The following WDR72 variants were observed in gnomAD, a reference collection of about 807,000 sequenced individuals.
WDR72 encodes the protein WD repeat domain 72, also known as WD repeat-containing protein 72.
In WDR72, 120 loss-of-function variants were observed where a neutral mutation model predicts 124.2. That is an observed-to-expected ratio of 0.97 (90% CI 0.83 to 1.12). WDR72 has a LOEUF of 1.12. Among genes scored for constraint, WDR72 ranks in the 50% most tolerant of loss-of-function variants. The pLI is 0.00. For missense variants in WDR72, 1,387 were observed against 1,278.8 expected (o/e 1.08, Z -1.29); for synonymous variants, 452 against 441.7 (o/e 1.02, Z -0.29).
rs1891300501 is a variant in WDR72, at chr15:53,513,797, C to G, written c.*3902G>C. 1 of 152,078 alleles carries G rather than the reference C, an allele frequency of 6.6e-6. No individual in the cohort carries two copies. The highest frequency in any genetic ancestry group is 1.5e-5 in the Non-Finnish European group (1 of 68,026). The allele number at this position is 152,078 out of a possible 1,614,324, so 9.4% of individuals were successfully genotyped here. ...TAAAAATTAAATTACTGCAAAAACTCCACAACATCAACATTTTACATAAAG... is the reference window on the plus strand; with the variant it reads ...TAAAAATTAAATTACTGCAAAAACTGCACAACATCAACATTTTACATAAAG... On this transcript the variant is annotated 3_prime_UTR_variant, in exon 20 of 20. Transcript: ENST00000360509.
chr15:53,689,446 C>A (rs1466525439), intron 13 of WDR72, among the ~76,000 whole-genome samples: 3 of 149,148 alleles, frequency 2.0e-5, no homozygotes, highest in African/African-American at 7.7e-5. Flanking sequence ...ATTTATGCAG[C>A]CAAAAAACAC....
At chr15:53,587,352 A>C (rs1040423353) in intron 18 of WDR72, among the ~76,000 whole-genome samples, 2 of 151,990 alleles carry the variant, frequency 1.3e-5, no homozygotes, top group African/African-American at 2.4e-5. Flanking sequence ...AGTGTCAAGA[A>C]AATCCATTTT....
intron 12 of WDR72, among the ~76,000 whole-genome samples, chr15:53,700,273 C>A (rs955656447): frequency 1.2e-4 from 18 of 152,074 alleles, no homozygotes; most frequent in African/African-American, 3.9e-4. Context: ...TAAAATAAAC[C>A]CCAGAACTAA....
intron 13 of WDR72, among the ~76,000 whole-genome samples, chr15:53,675,580 T>A (rs1422338492): frequency 6.6e-6 from 1 of 152,212 alleles, no homozygotes; most frequent in Non-Finnish European, 1.5e-5. Flanking sequence ...TTAAATTTAT[T>A]ACACCAGGCA....
intron 18 of WDR72, among the ~76,000 whole-genome samples, chr15:53,574,529 T>C (rs1894681131): frequency 2.0e-5 from 3 of 152,312 alleles, no homozygotes; most frequent in South Asian, 2.1e-4. Flanking sequence ...ATGTAAAATA[T>C]GTATCTCAGA....
chr15:53,643,904 T>G (rs2014947626), intron 14 of WDR72, among the ~76,000 whole-genome samples: 1 of 152,074 alleles, frequency 6.6e-6, no homozygotes, highest in Non-Finnish European at 1.5e-5. Flanking sequence ...GCAAACAAAA[T>G]GTACAAAAGA....
chr15:53,554,488 A>G (rs1431161257), intron 18 of WDR72, among the ~76,000 whole-genome samples: 1 of 152,184 alleles, frequency 6.6e-6, no homozygotes, highest in Non-Finnish European at 1.5e-5. Flanking sequence ...ATAAATGCAT[A>G]TAGAAGACTT....
chr15:53,684,438 A>C (rs2016524935), intron 13 of WDR72: 1 of 155,096 alleles, frequency 6.4e-6, no homozygotes, highest in South Asian at 2.0e-4. Flanking sequence ...GAGTCAAAGA[A>C]AGGGGTGACA....
chr15:53,615,449 T>G lies in WDR72; in HGVS notation c.2757A>C (p.Leu919Phe), dbSNP rs1373493029. 1 of 1,611,030 alleles carries G rather than the reference T, an allele frequency of 6.2e-7. No homozygotes were observed. Among genetic ancestry groups the G allele is most frequent in the Non-Finnish European group, 8.5e-7 (1 of 1,178,634 alleles). Reference sequence around the variant, plus strand: ...ACCTGCCAACTCTACATGCCAATTCTAAAGGCATGTTAACTAATTTATTAA... The same window carrying G: ...ACCTGCCAACTCTACATGCCAATTCGAAAGGCATGTTAACTAATTTATTAA... ...FLVNKLVNMP[L>F]ELACRVGSSF... The change falls in exon 15 of 20, where the codon TTA becomes TTC. Residue 919 changes from leucine (L) to phenylalanine (F), a missense_variant. Physicochemically the swap from Leu to Phe is conservative, Grantham distance 22. Coordinates refer to ENST00000360509, the MANE Select transcript of WDR72 (RefSeq NM_182758.4).
chr15:53,562,468 G>A (rs1002332019), intron 18 of WDR72, among the ~76,000 whole-genome samples: 1 of 151,742 alleles, frequency 6.6e-6, no homozygotes, highest in African/African-American at 2.4e-5. Context: ...CCCTAAATTT[G>A]TAATTCCAAA....
chr15:53,640,177 G>A (rs958016019), intron 14 of WDR72, among the ~76,000 whole-genome samples: 2 of 152,188 alleles, frequency 1.3e-5, no homozygotes, highest in African/African-American at 4.8e-5. Flanking sequence ...TAACCTCTGT[G>A]TGACCAGAGG....
At chr15:53,716,484 A>C in intron 4 of WDR72, 123 bp downstream of exon 4, 1 of 764,210 alleles carries the variant, frequency 1.3e-6, no homozygotes, top group South Asian at 1.5e-5. Context: ...TTTGACCCTC[A>C]TGACAAAATA....
intron 12 of WDR72, among the ~76,000 whole-genome samples, chr15:53,701,245 T>A (rs144080677): frequency 6.6e-6 from 1 of 152,208 alleles, no homozygotes; most frequent in African/African-American, 2.4e-5. Flanking sequence ...TAAAAACCCA[T>A]TTAAGAAGAA....
chr15:53,722,964 ACAC>A, intron 2 of WDR72, 56 bp from the exon 3 acceptor site: 1 of 1,472,550 alleles, frequency 6.8e-7, no homozygotes, highest in Non-Finnish European at 9.5e-7. Flanking sequence ...AAGAATAAAA[ACAC>A]CACAATATAG....
In WDR72 at chr15:53,616,148, C is replaced by T. The variant is rs1566986478; in HGVS notation, c.2058G>A (p.Leu686=). ...GTAGCAAAAGTTCAACAAGGTTTTC[C>T]AGATCAAATAGAAGAATATGAAAGC... ...NVGFHILLFD[L]ENLVELLLPT... The change falls in exon 15 of 20, where the codon CTG becomes CTA. Residue 686 remains leucine (L), a synonymous_variant. Coordinates refer to ENST00000360509, the MANE Select transcript of WDR72 (RefSeq NM_182758.4). 3 of 1,604,338 alleles carry T rather than the reference C, an allele frequency of 1.9e-6. No individual in the cohort carries two copies. The highest frequency in any genetic ancestry group is 2.6e-6 in the Non-Finnish European group (3 of 1,175,142).
At chr15:53,604,571 C>A (rs1319465371) in intron 17 of WDR72, among the ~76,000 whole-genome samples, 1 of 151,998 alleles carries the variant, frequency 6.6e-6, no homozygotes, top group African/African-American at 2.4e-5. Flanking sequence ...AAAATTTTTG[C>A]AAAATATGCA....
rs71132754 is a variant in WDR72, at chr15:53,734,151, T to TACAC, written c.-12-994_-12-991dup. On this transcript the variant is annotated intron_variant, in intron 1 of 19. Transcript: ENST00000360509. ...TATTTCTAATGTTCAATTATATGTC[T>TACAC]ACACACACACACACACAAATATATA... 6.5e-4 allele frequency among the ~76,000 whole-genome samples: 98 copies of TACAC among 151,680 alleles called. No homozygotes were observed. The Middle Eastern group carries it at 0.02, about 32-fold the overall frequency.
Position 53,665,763 on chromosome 15 carries a change from A to C in WDR72, c.1771T>G (p.Leu591Val), listed in dbSNP as rs2015758039. 6.2e-7 allele frequency: 1 copy of C among 1,613,588 alleles called. No individual in the cohort carries two copies. Among genetic ancestry groups the C allele is most frequent in the Admixed American group, 1.7e-5 (1 of 59,946 alleles). ...CTTTCTCCTGTCTCATGTCTTTCCAAAGTGCCTGGAAAACAAGATTAGAGG... is the reference window on the plus strand; with the variant it reads ...CTTTCTCCTGTCTCATGTCTTTCCACAGTGCCTGGAAAACAAGATTAGAGG... ...VYIWEIETGT[L>V]ERHETGERAR... Residue 591 changes from leucine to valine, a missense_variant, in exon 14 of 20, where the codon TTG (leucine) becomes GTG (valine). By Grantham distance (32) the Leu-to-Val change is conservative. Transcript: ENST00000360509.
chr15:53,529,104 C>G (rs1892287102), intron 18 of WDR72, among the ~76,000 whole-genome samples: 1 of 142,672 alleles, frequency 7.0e-6, no homozygotes, highest in Non-Finnish European at 1.5e-5. Flanking sequence ...CCCTGTCTGA[C>G]TTATTTTTGG....
Sources: allele counts gnomAD v4.1 joint callset (sites outside exome capture counted in the v4.1 genomes callset), GRCh38; gene constraint gnomAD v4.1.1; transcripts MANE v1.5; gene names NCBI Gene and HGNC (gene_info 2026-07-23, HGNC 2026-07-21).